The following RHOBTB3 variants were observed in gnomAD, a reference collection of about 807,000 sequenced individuals.
RHOBTB3 encodes the protein Rho related BTB domain containing 3.
Under a neutral mutation model 67.2 loss-of-function variants are expected in RHOBTB3, and 47 were observed. That is an observed-to-expected ratio of 0.70 (90% CI 0.55 to 0.89). The LOEUF is 0.89. RHOBTB3 is among the 40% of genes least tolerant of loss of function. The probability of loss-of-function intolerance (pLI) is 0.00; values close to 1 mark genes in which losing one functional copy is unlikely to be tolerated. For missense variants in RHOBTB3, 631 were observed against 750.0 expected (o/e 0.84, Z 1.85); for synonymous variants, 273 against 274.2 (o/e 1.00, Z 0.04).
At position 95,737,047 on chromosome 5, in the gene RHOBTB3, T is replaced by C. The variant is rs1370483883; in HGVS notation, c.387T>C (p.Ile129=). The C allele has an allele frequency of 6.3e-7, 1 of 1,599,086 alleles. No homozygotes were observed. Among genetic ancestry groups the C allele is most frequent in the Non-Finnish European group, 8.6e-7 (1 of 1,167,618 alleles). ...IKRALNSVPV[I]IAAVGTRQNE... Reference sequence around the variant, plus strand: ...GAGCATTAAATTCAGTTCCAGTAATTATTGCTGCTGTTGGTACCAGACAAA... The same window carrying C: ...GAGCATTAAATTCAGTTCCAGTAATCATTGCTGCTGTTGGTACCAGACAAA... The change falls in exon 3 of 12, where the codon ATT becomes ATC. Residue 129 remains isoleucine (I), a synonymous_variant. Coordinates refer to ENST00000379982, the MANE Select transcript of RHOBTB3 (RefSeq NM_014899.4).
At chr5:95,719,868 C>T (rs770545899) in intron 1 of RHOBTB3, 26 of 152,154 alleles carry the variant, frequency 1.7e-4, no homozygotes, top group Non-Finnish European at 2.5e-4. Context: ...TGTGATAACT[C>T]GGTGTTGGTA....
intron 2 of RHOBTB3, among the ~76,000 whole-genome samples, chr5:95,735,259 C>CT (rs10718378): frequency 0.011 from 1,462 of 133,642 alleles, 18 homozygotes; most frequent in African/African-American, 0.031. Context: ...CATATTTTGC[C>CT]TTTTTTTTTT....
At chr5:95,779,960 A>G (rs1746001009) in intron 8 of RHOBTB3, 1 of 365,004 alleles carries the variant, frequency 2.7e-6, no homozygotes. Flanking sequence ...TTATAAAAAT[A>G]TGAAGCAAAA....
rs777794232 is a variant in RHOBTB3 at position 95,768,089 on chromosome 5, C to G, written c.1205C>G (p.Pro402Arg). ...RNCKTYQARK[P>R]LWFYNTSLKF... Reference sequence around the variant, plus strand: ...TGCAAAACCTATCAAGCCAGAAAACCTTTGTGGTTTTATAACACTTCCCTC... The same window carrying G: ...TGCAAAACCTATCAAGCCAGAAAACGTTTGTGGTTTTATAACACTTCCCTC... Residue 402 changes from proline (P) to arginine (R), a missense_variant, in exon 8 of 12, where the codon CCT (proline) becomes CGT (arginine). Coordinates refer to ENST00000379982, the MANE Select transcript of RHOBTB3 (RefSeq NM_014899.4). 20 of 1,613,196 alleles carry G rather than the reference C, an allele frequency of 1.2e-5. No individual in the cohort carries two copies. The South Asian group carries it at 2.0e-4, about 16-fold the overall frequency.
chr5:95,727,268 C>T (rs1755084228), upstream of RHOBTB3, among the ~76,000 whole-genome samples: 1 of 149,826 alleles, frequency 6.7e-6, no homozygotes, highest in Non-Finnish European at 1.5e-5. Context: ...TTCTTCTATG[C>T]AAACCTAGTT....
chr5:95,772,940 C>T lies in RHOBTB3; in HGVS notation c.1282+4774C>T, dbSNP rs111822493. Among the ~76,000 whole-genome samples, 33 of 152,240 alleles carry T rather than the reference C, an allele frequency of 2.2e-4. 1 individual carries two copies. Among genetic ancestry groups the T allele is most frequent in the Middle Eastern group, 3.4e-3 (1 of 294 alleles). ...TTTTCAAGTAAATTGAATATGAATG[C>T]CTGGCCCCATCATACATTAATGAAT... On this transcript the variant is annotated intron_variant, in intron 8 of 11. Coordinates refer to ENST00000379982, the MANE Select transcript of RHOBTB3 (RefSeq NM_014899.4).
At chr5:95,764,124 A>T (rs1745475288) in intron 7 of RHOBTB3, among the ~76,000 whole-genome samples, 1 of 152,102 alleles carries the variant, frequency 6.6e-6, no homozygotes, top group Admixed American at 6.5e-5. Flanking sequence ...CTTAGACTTT[A>T]ATTTATGTAA....
Position 95,768,117 on chromosome 5 carries a change from G to GT in RHOBTB3, c.1238dup (p.Leu414ProfsTer2), listed in dbSNP as rs866886492. 4 of 1,613,482 alleles carry GT rather than the reference G, an allele frequency of 2.5e-6. No homozygotes were observed. Among genetic ancestry groups the GT allele is most frequent in the Non-Finnish European group, 3.4e-6 (4 of 1,179,640 alleles). ...TGTGGTTTTATAACACTTCCCTCAAGTTTTTCCTTAATAAGCCGATGCTTG... is the reference window on the plus strand; with the variant it reads ...TGTGGTTTTATAACACTTCCCTCAAGTTTTTTCCTTAATAAGCCGATGCTTG... On this transcript the variant is annotated frameshift_variant, in exon 8 of 12. Coordinates refer to ENST00000379982, the MANE Select transcript of RHOBTB3 (RefSeq NM_014899.4). LOFTEE classifies it high-confidence loss of function.
chr5:95,727,446 T>C (rs1342003373), upstream of RHOBTB3, among the ~76,000 whole-genome samples: 2 of 152,248 alleles, frequency 1.3e-5, no homozygotes, highest in African/African-American at 4.8e-5. Context: ...TGAATTACTT[T>C]ACATGTCCTT....
chr5:95,770,778 C>T (rs1195903267), intron 8 of RHOBTB3: 1 of 215,238 alleles, frequency 4.6e-6, no homozygotes, highest in East Asian at 1.2e-4. Flanking sequence ...TCACCAGTAA[C>T]TACAGAGAAG....
At chr5:95,779,038 T>C (rs1745974271) in intron 8 of RHOBTB3, among the ~76,000 whole-genome samples, 1 of 152,264 alleles carries the variant, frequency 6.6e-6, no homozygotes, top group South Asian at 2.1e-4. Flanking sequence ...CCACTGGGCT[T>C]AGATGTAACT....
At chr5:95,753,233 A>G (rs1469115966) in intron 5 of RHOBTB3, among the ~76,000 whole-genome samples, 2 of 146,576 alleles carry the variant, frequency 1.4e-5, no homozygotes, top group Non-Finnish European at 3.0e-5. Context: ...TGATGTGTGG[A>G]TGTGTGTGTG....
At position 95,748,386 on chromosome 5, in the gene RHOBTB3, A is replaced by G. The variant is rs1744989391; in HGVS notation, c.469A>G (p.Ser157Gly). 7 of 1,613,428 alleles carry G rather than the reference A, an allele frequency of 4.3e-6. No individual in the cohort carries two copies. Among genetic ancestry groups the G allele is most frequent in the East Asian group, 2.2e-5 (1 of 44,844 alleles). ...LCTSDRGSCV[S>G]TTEGIQLAKE... ...TACCTCAGACAGAGGGAGCTGTGTT[A>G]GTACAACTGAAGGGATCCAACTTGC... is the stretch of plus-strand genomic sequence containing the variant. Residue 157 changes from serine (S) to glycine (G), a missense_variant, in exon 4 of 12, where the codon AGT becomes GGT. Physicochemically the swap from Ser to Gly is moderately conservative, Grantham distance 56 (BLOSUM62 0). Transcript: ENST00000379982.
In RHOBTB3 at chr5:95,763,429, T is replaced by C. The variant is rs1580414178; in HGVS notation, c.1049-79T>C. On this transcript the variant is annotated intron_variant, in intron 6 of 11. Transcript: ENST00000379982. Reference sequence around the variant, plus strand: ...AAATTAAAGCACTAAAAAAAGGGAATGTTGTATTTAATAAGAGATTTACTT... The same window carrying C: ...AAATTAAAGCACTAAAAAAAGGGAACGTTGTATTTAATAAGAGATTTACTT... The C allele has an allele frequency of 6.2e-6, 5 of 800,908 alleles. No individual in the cohort carries two copies. In the East Asian group the frequency reaches 1.2e-4, roughly 20 times the overall value. 49.6% of individuals were successfully genotyped at this position (800,908 alleles called of 1,614,324 possible). A position where few individuals can be genotyped will look rare whatever the true frequency, so the allele number is the denominator to read the frequency against.
intron 3 of RHOBTB3, among the ~76,000 whole-genome samples, chr5:95,745,508 C>A (rs552319960): frequency 5.6e-4 from 86 of 152,224 alleles, no homozygotes; most frequent in Non-Finnish European, 9.0e-4. Context: ...TGGTCCTTTA[C>A]TAGGCTAGAA....
intron 5 of RHOBTB3, among the ~76,000 whole-genome samples, chr5:95,752,843 C>G (rs181143294): frequency 6.6e-6 from 1 of 151,974 alleles, no homozygotes; most frequent in East Asian, 1.9e-4. Flanking sequence ...TGAAGGTGAA[C>G]GTAGAGTCCC....
At chr5:95,744,041 C>T (rs1755679509) in intron 3 of RHOBTB3, among the ~76,000 whole-genome samples, 1 of 151,074 alleles carries the variant, frequency 6.6e-6, no homozygotes, top group Admixed American at 6.6e-5. Context: ...TTCCTTCCTC[C>T]CTCCCTCTCT....
At chr5:95,757,986 CAT>C (rs746869487) in intron 6 of RHOBTB3, among the ~76,000 whole-genome samples, 4 of 152,130 alleles carry the variant, frequency 2.6e-5, no homozygotes, top group South Asian at 2.1e-4. Context: ...TGTTTTTAAT[CAT>C]ATGTTTAAGG....
At chr5:95,768,311 C>G (rs1457108035) in intron 8 of RHOBTB3, 145 bp downstream of exon 8, 1 of 577,488 alleles carries the variant, frequency 1.7e-6, no homozygotes, top group African/African-American at 1.9e-5. Context: ...TTAATGTCAA[C>G]AAAATCTTCC....
Sources: gnomAD v4.1 joint callset for allele counts (sites outside exome capture counted in the v4.1 genomes callset) on GRCh38, gnomAD v4.1.1 for gene constraint, MANE v1.5 for transcripts, NCBI Gene and HGNC (gene_info 2026-07-23, HGNC 2026-07-21) for gene names.